The following RAB6B variants were observed in gnomAD, a reference collection of about 807,000 sequenced individuals.
RAB6B encodes RAB6B, member RAS oncogene family, also known as ras-related protein Rab-6B.
A neutral mutation model predicts 31.2 loss-of-function variants in RAB6B; 7 were observed. That is an observed-to-expected ratio of 0.22 (90% CI 0.13 to 0.42). RAB6B has a LOEUF of 0.42. Ranked by LOEUF, RAB6B falls within the 10% of genes least tolerant of loss-of-function variation. RAB6B has a pLI of 1.00. For missense variants in RAB6B, 149 were observed against 280.6 expected (o/e 0.53, Z 3.35); for synonymous variants, 105 against 104.9 (o/e 1.00, Z -0.01).
intron 1 of RAB6B, among the ~76,000 whole-genome samples, chr3:133,886,679 G>A (rs1936552533): frequency 6.6e-6 from 1 of 152,188 alleles, no homozygotes; most frequent in African/African-American, 2.4e-5. Context: ...CTTCCTGCCA[G>A]ATCACGAGGA....
chr3:133,844,517 A>G (rs189042633), intron 2 of RAB6B, among the ~76,000 whole-genome samples: 1 of 152,360 alleles, frequency 6.6e-6, no homozygotes, highest in Admixed American at 6.5e-5. Context: ...GCTCAAAAAC[A>G]TATTCCTAAG....
intron 1 of RAB6B, among the ~76,000 whole-genome samples, chr3:133,888,589 T>G (rs2108016228): frequency 6.6e-6 from 1 of 152,338 alleles, no homozygotes; most frequent in South Asian, 2.1e-4. Flanking sequence ...TCTGGCCTTG[T>G]TACCAAGAGA....
chr3:133,868,022 T>G (rs1461562193), intron 1 of RAB6B, among the ~76,000 whole-genome samples: 2 of 152,154 alleles, frequency 1.3e-5, no homozygotes, highest in Non-Finnish European at 2.9e-5. Flanking sequence ...CTCCATGCTT[T>G]GTCTCTGGGG....
Position 133,865,907 on chromosome 3 carries a change from G to A in RAB6B, c.71-1265C>T, listed in dbSNP as rs377561611. Among the ~76,000 whole-genome samples the A allele has an allele frequency of 1.7e-4, 26 of 152,210 alleles. No homozygotes were observed. The East Asian group carries it at 4.4e-3, about 26-fold the overall frequency. ...GGAAAGATGATCTTCTACCCAGAAGGAGCATCTGACTGACTGTGTTTGGGC... is the reference window on the plus strand; with the variant it reads ...GGAAAGATGATCTTCTACCCAGAAGAAGCATCTGACTGACTGTGTTTGGGC... On this transcript the variant is annotated intron_variant, in intron 1 of 7. Coordinates refer to ENST00000285208, the MANE Select transcript of RAB6B (RefSeq NM_016577.4).
chr3:133,889,761 A>T (rs1195929857), intron 1 of RAB6B, among the ~76,000 whole-genome samples: 2 of 152,100 alleles, frequency 1.3e-5, no homozygotes, highest in South Asian at 4.1e-4. Context: ...GTTATAATTT[A>T]ATGTGATTCA....
At chr3:133,850,621 G>A (rs1185407832) in intron 2 of RAB6B, among the ~76,000 whole-genome samples, 1 of 151,946 alleles carries the variant, frequency 6.6e-6, no homozygotes, top group African/African-American at 2.4e-5. Context: ...CCAAAAGGAA[G>A]CATAAAGAGA....
intron 2 of RAB6B, among the ~76,000 whole-genome samples, chr3:133,850,708 G>C (rs189944930): frequency 1.3e-5 from 2 of 152,178 alleles, no homozygotes; most frequent in East Asian, 1.9e-4. Context: ...CAGAAGTAGA[G>C]GAGATGGAGA....
rs1247180880 is a variant in RAB6B, at chr3:133,824,421, G to GAGA, written c.*4364_*4366dup. ...GGGATGGGTGAGGGGAAAGTGAGGG[G>GAGA]AGAAGTGGACACACACCGCGAGATG... On this transcript the variant is annotated 3_prime_UTR_variant, in exon 8 of 8. Transcript: ENST00000285208. 1 of 152,268 alleles carries GAGA rather than the reference G, an allele frequency of 6.6e-6. No homozygotes were observed. Among genetic ancestry groups the GAGA allele is most frequent in the African/African-American group, 2.4e-5 (1 of 41,452 alleles). The allele number at this position is 152,268 out of a possible 1,614,324, so 9.4% of individuals were successfully genotyped here.
Position 133,895,653 on chromosome 3 carries a change from G to A in RAB6B, c.-187C>T. ...CTGCGGCTGCGTGTCCGGCGGCGGAGGAGGAGGAGGAGAGAGAGGCGGAGG... is the reference window on the plus strand; with the variant it reads ...CTGCGGCTGCGTGTCCGGCGGCGGAAGAGGAGGAGGAGAGAGAGGCGGAGG... On this transcript the variant is annotated 5_prime_UTR_variant, in exon 1 of 8. Transcript: ENST00000285208. 1.6e-6 allele frequency: 1 copy of A among 609,876 alleles called. No individual in the cohort carries two copies. The highest frequency in any genetic ancestry group is 2.9e-6 in the Non-Finnish European group (1 of 348,374). 37.8% of individuals were successfully genotyped at this position (609,876 alleles called of 1,614,324 possible). A position where few individuals can be genotyped will look rare whatever the true frequency, so the allele number is the denominator to read the frequency against.
At chr3:133,879,217 CTG>C (rs1243838617) in intron 1 of RAB6B, among the ~76,000 whole-genome samples, 1 of 152,208 alleles carries the variant, frequency 6.6e-6, no homozygotes. Flanking sequence ...AATCCTAAAA[CTG>C]TGTCAAAATA....
At chr3:133,838,089 G>A in intron 6 of RAB6B, 77 bp downstream of exon 6, 1 of 1,452,492 alleles carries the variant, frequency 6.9e-7, no homozygotes, top group East Asian at 2.3e-5. Flanking sequence ...GGGCAAGGCA[G>A]CTCTGAGCCT....
In RAB6B at chr3:133,853,114, G is replaced by A. The variant is rs115685760; in HGVS notation, c.130-11451C>T. Among the ~76,000 whole-genome samples, 286 of 152,232 alleles carry A rather than the reference G, an allele frequency of 1.9e-3. 1 individual carries two copies. Among genetic ancestry groups the A allele is most frequent in the African/African-American group, 6.7e-3 (278 of 41,538 alleles). ...AAAAGAACAACTAGCCACCCAGGTA[G>A]GCCATATCCTCCTGAAAAAGGCCCC... On this transcript the variant is annotated intron_variant, in intron 2 of 7. Transcript: ENST00000285208.
chr3:133,884,903 G>C (rs1320279044), intron 1 of RAB6B, among the ~76,000 whole-genome samples: 2 of 121,116 alleles, frequency 1.7e-5, no homozygotes, highest in African/African-American at 6.1e-5. Flanking sequence ...TCAGAGGACG[G>C]GGGGGCTTAT....
At chr3:133,894,591 T>G (rs1416074994) in intron 1 of RAB6B, 2 of 151,996 alleles carry the variant, frequency 1.3e-5, no homozygotes, top group African/African-American at 2.4e-5. Context: ...CGCCTGGGCC[T>G]TTCTCTGCCC....
At chr3:133,893,174 G>A (rs1359934412) in intron 1 of RAB6B, among the ~76,000 whole-genome samples, 1 of 152,178 alleles carries the variant, frequency 6.6e-6, no homozygotes, top group Non-Finnish European at 1.5e-5. Flanking sequence ...TATAAGCCTG[G>A]CTGGACAGAA....
chr3:133,873,786 G>T (rs1936357065), intron 1 of RAB6B, among the ~76,000 whole-genome samples: 1 of 152,212 alleles, frequency 6.6e-6, no homozygotes, highest in African/African-American at 2.4e-5. Context: ...CGACTTTTTA[G>T]TCCCACAAAA....
At chr3:133,851,120 G>T (rs1369570288) in intron 2 of RAB6B, among the ~76,000 whole-genome samples, 3 of 151,802 alleles carry the variant, frequency 2.0e-5, no homozygotes, top group East Asian at 1.9e-4. Flanking sequence ...AAAACAAAGA[G>T]AATTTGTGGC....
intron 1 of RAB6B, among the ~76,000 whole-genome samples, chr3:133,882,333 A>G (rs1936480092): frequency 6.6e-6 from 1 of 152,082 alleles, no homozygotes; most frequent in Admixed American, 6.5e-5. Context: ...GCCACCTATC[A>G]CCTTTGCCAC....
chr3:133,892,622 C>T (rs949727727), intron 1 of RAB6B, among the ~76,000 whole-genome samples: 1 of 152,198 alleles, frequency 6.6e-6, no homozygotes. Context: ...AAGCCACATC[C>T]CTCCAGCTCC....
Sources: gnomAD v4.1 joint callset for allele counts (sites outside exome capture counted in the v4.1 genomes callset) on GRCh38, gnomAD v4.1.1 for gene constraint, MANE v1.5 for transcripts, NCBI Gene and HGNC (gene_info 2026-07-23, HGNC 2026-07-21) for gene names.